KIRREL3: variants seen among roughly 807,000 people sequenced by gnomAD.
The protein encoded by KIRREL3 is kirre like nephrin family adhesion molecule 3.
Under a neutral mutation model 89.7 loss-of-function variants are expected in KIRREL3, and 36 were observed. That is an observed-to-expected ratio of 0.40 (90% confidence interval 0.31 to 0.53). The LOEUF (loss-of-function observed/expected upper bound fraction) is 0.53, where lower values mean the gene tolerates loss of function less well. Among genes scored for constraint, KIRREL3 ranks in the 20% least tolerant of loss-of-function variants. The pLI is 0.49. For synonymous variants in KIRREL3, 445 were observed against 441.4 expected, an observed-to-expected ratio of 1.01 and a Z score of -0.10; for missense variants, 864 against 1,056.6, an observed-to-expected ratio of 0.82 and a Z score of 2.53.
Position 126,611,701 on chromosome 11 carries a change from G to T in KIRREL3, c.56-48789C>A, listed in dbSNP as rs922084446. 6.6e-6 allele frequency among the ~76,000 whole-genome samples: 1 copy of T among 152,122 alleles called. No individual in the cohort carries two copies. Among genetic ancestry groups the T allele is most frequent in the Non-Finnish European group, 1.5e-5 (1 of 68,034 alleles). ...TGCACGCACGTTGGGTTCACTGATC[G>T]CAGAGTCTTTTTCTGGCTGCCAAGA... is the stretch of plus-strand genomic sequence containing the variant. On this transcript the variant is annotated intron_variant, in intron 1 of 16. Coordinates refer to ENST00000525144, the MANE Select transcript of KIRREL3 (RefSeq NM_032531.4). This position sits in a 1 kb window ranked among gnomAD's most constrained non-coding sequence, Gnocchi z 4.7.
intron 1 of KIRREL3, chr11:126,920,634 C>G (rs1302193122): frequency 6.6e-6 from 1 of 152,180 alleles, no homozygotes; most frequent in Non-Finnish European, 1.5e-5. Flanking sequence ...TGTTTTAAGA[C>G]AGATATGTTC....
At chr11:126,497,952 T>TAC (rs1246686990) in intron 4 of KIRREL3, among the ~76,000 whole-genome samples, 3 of 147,894 alleles carry the variant, frequency 2.0e-5, no homozygotes, top group African/African-American at 7.6e-5. Flanking sequence ...CCCCGTGGAA[T>TAC]ACACACAGCC....
At chr11:126,649,476 G>A (rs1182858006) in intron 1 of KIRREL3, among the ~76,000 whole-genome samples, 1 of 152,156 alleles carries the variant, frequency 6.6e-6, no homozygotes, top group African/African-American at 2.4e-5. Flanking sequence ...CAGGTATTGG[G>A]TAAATACAGC....
intron 2 of KIRREL3, among the ~76,000 whole-genome samples, chr11:126,542,897 A>C (rs1431007626): frequency 6.6e-6 from 1 of 152,150 alleles, no homozygotes; most frequent in Admixed American, 6.5e-5. Flanking sequence ...CTGCCCTGGG[A>C]TTGTGGGCCG....
chr11:126,685,008 C>T lies in KIRREL3; in HGVS notation c.56-122096G>A, dbSNP rs925078036. ...TCCCTCTTTTTCTCCTTCCTCTTCT[C>T]CTCCTCTAATATGGAAGGAACGTTA... is the stretch of plus-strand genomic sequence containing the variant. On this transcript the variant is annotated intron_variant, in intron 1 of 16. Coordinates refer to ENST00000525144, the MANE Select transcript of KIRREL3 (RefSeq NM_032531.4). The surrounding 1 kb of genome is among the most constrained non-coding windows in gnomAD (Gnocchi z 5.5). Among the ~76,000 whole-genome samples, 5 of 152,134 alleles carry T rather than the reference C, an allele frequency of 3.3e-5. No homozygotes were observed. Among genetic ancestry groups the T allele is most frequent in the Non-Finnish European group, 7.4e-5 (5 of 68,024 alleles).
chr11:126,580,740 T>C (rs1941499694), intron 1 of KIRREL3, among the ~76,000 whole-genome samples: 1 of 152,020 alleles, frequency 6.6e-6, no homozygotes, highest in East Asian at 1.9e-4. Context: ...TCTTCTCCTC[T>C]GATTCAGGAA....
At position 126,856,738 on chromosome 11, in the gene KIRREL3, C is replaced by G. The variant is rs899903711; in HGVS notation, c.55+143717G>C. ...TCAGGCCATTCTCCTGCCTCAGCCT[C>G]CTGAGTAGCTGGGACTACAGGCGCC... On this transcript the variant is annotated intron_variant, in intron 1 of 16. Transcript: ENST00000525144. 5.9e-5 allele frequency among the ~76,000 whole-genome samples: 9 copies of G among 151,846 alleles called. 1 individual carries two copies. The East Asian group carries it at 1.4e-3, about 23-fold the overall frequency.
intron 1 of KIRREL3, among the ~76,000 whole-genome samples, chr11:126,818,031 A>AT (rs1224459659): frequency 6.6e-6 from 1 of 152,168 alleles, no homozygotes; most frequent in Non-Finnish European, 1.5e-5. Context: ...ATCAATCTTG[A>AT]TTAGAGTATT....
chr11:126,479,583 T>A (rs1440848339), intron 4 of KIRREL3, among the ~76,000 whole-genome samples: 1 of 152,198 alleles, frequency 6.6e-6, no homozygotes, highest in African/African-American at 2.4e-5. Flanking sequence ...ATTTTCAAGC[T>A]GGAGGAGCGC....
intron 4 of KIRREL3, among the ~76,000 whole-genome samples, chr11:126,514,116 G>A (rs2134406475): frequency 6.6e-6 from 1 of 152,292 alleles, no homozygotes; most frequent in Admixed American, 6.5e-5. Context: ...CGAGCTGGTG[G>A]CAGGGGTGGG....
intron 1 of KIRREL3, among the ~76,000 whole-genome samples, chr11:126,794,168 T>C (rs1950731973): frequency 6.6e-6 from 1 of 152,274 alleles, no homozygotes; most frequent in South Asian, 2.1e-4. Flanking sequence ...TTTCTCATGA[T>C]GGCTGGGATT....
intron 1 of KIRREL3, among the ~76,000 whole-genome samples, chr11:126,961,992 A>T (rs750002584): frequency 6.6e-6 from 1 of 152,234 alleles, no homozygotes; most frequent in Non-Finnish European, 1.5e-5. Flanking sequence ...GTTGAGAACT[A>T]CTGCTCAGAA....
rs922399223 is a variant in KIRREL3, at chr11:126,623,558, G to A, written c.56-60646C>T. ...TCTGTGTGAATCTTGCATGATGGAA[G>A]AGGAAACCAGGTAAGAGTGAGCAAG... is the stretch of plus-strand genomic sequence containing the variant. On this transcript the variant is annotated intron_variant, in intron 1 of 16. Transcript: ENST00000525144. This position sits in a 1 kb window ranked among gnomAD's most constrained non-coding sequence, Gnocchi z 4.1. Among the ~76,000 whole-genome samples the A allele has an allele frequency of 8.5e-5, 13 of 152,118 alleles. No individual in the cohort carries two copies. Among genetic ancestry groups the A allele is most frequent in the African/African-American group, 3.1e-4 (13 of 41,414 alleles).
rs981684231 is a variant in KIRREL3 at position 126,443,937 on chromosome 11, G to A, written c.1252+1042C>T. Among the ~76,000 whole-genome samples the A allele has an allele frequency of 6.6e-6, 1 of 152,178 alleles. No individual in the cohort carries two copies. The highest frequency in any genetic ancestry group is 2.4e-5 in the African/African-American group (1 of 41,442). On this transcript the variant is annotated intron_variant, in intron 10 of 16. Coordinates refer to ENST00000525144, the MANE Select transcript of KIRREL3 (RefSeq NM_032531.4). The surrounding 1 kb of genome is among the most constrained non-coding windows in gnomAD (Gnocchi z 7.3). Reference sequence around the variant, plus strand: ...TGACAGAGGTGAGGGGGGAGCATTCGGAAACGGCAGAGGAATCGAACTGGC... The same window carrying A: ...TGACAGAGGTGAGGGGGGAGCATTCAGAAACGGCAGAGGAATCGAACTGGC...
rs61898701 is a variant in KIRREL3, at chr11:126,495,666, T to C, written c.434-22200A>G. Among the ~76,000 whole-genome samples the C allele has an allele frequency of 6.6e-6, 1 of 152,128 alleles. No homozygotes were observed. Among genetic ancestry groups the C allele is most frequent in the Non-Finnish European group, 1.5e-5 (1 of 68,016 alleles). On this transcript the variant is annotated intron_variant, in intron 4 of 16. Transcript: ENST00000525144. This position sits in a 1 kb window ranked among gnomAD's most constrained non-coding sequence, Gnocchi z 6.5. ...GACACCAGGTATAAGCAGAAACTTATGGTCACAGTCAGGACCATGGAGGAG... is the reference window on the plus strand; with the variant it reads ...GACACCAGGTATAAGCAGAAACTTACGGTCACAGTCAGGACCATGGAGGAG...
chr11:126,465,803 G>C (rs921531234), intron 5 of KIRREL3, among the ~76,000 whole-genome samples: 1 of 152,180 alleles, frequency 6.6e-6, no homozygotes, highest in Non-Finnish European at 1.5e-5. Context: ...GGCAGGGAGG[G>C]AGCAGCAGCT....
intron 1 of KIRREL3, among the ~76,000 whole-genome samples, chr11:126,947,315 G>A (rs183895010): frequency 4.6e-5 from 7 of 152,198 alleles, no homozygotes; most frequent in African/African-American, 1.7e-4. Flanking sequence ...CTATAACTCT[G>A]CAAAAGATCT....
In KIRREL3 at chr11:126,541,450, T is replaced by G. The variant is rs1247563674; in HGVS notation, c.134-14763A>C. On this transcript the variant is annotated intron_variant, in intron 2 of 16. Coordinates refer to ENST00000525144, the MANE Select transcript of KIRREL3 (RefSeq NM_032531.4). This position sits in a 1 kb window ranked among gnomAD's most constrained non-coding sequence, Gnocchi z 4.8. ...ATAATAAAATCAAGGTGCAAAGAAG[T>G]GAAAGCAAGTCTCTCAAGGACACTT... Among the ~76,000 whole-genome samples, 2 of 152,098 alleles carry G rather than the reference T, an allele frequency of 1.3e-5. No individual in the cohort carries two copies. The highest frequency in any genetic ancestry group is 1.5e-5 in the Non-Finnish European group (1 of 68,028).
At chr11:126,762,922 C>T (rs560525631) in intron 1 of KIRREL3, among the ~76,000 whole-genome samples, 8 of 152,258 alleles carry the variant, frequency 5.3e-5, no homozygotes, top group Admixed American at 2.6e-4. Flanking sequence ...CTGCAACTCA[C>T]GATTGACCCC....
Sources: allele counts gnomAD v4.1 joint callset (sites outside exome capture counted in the v4.1 genomes callset), GRCh38; gene constraint gnomAD v4.1.1; non-coding constraint Gnocchi (gnomAD v3.1); transcripts MANE v1.5; gene names NCBI Gene and HGNC (gene_info 2026-07-23, HGNC 2026-07-21).